Variants in ECT2L observed in about 807,000 individuals in gnomAD.
ECT2L encodes the protein epithelial cell-transforming sequence 2 oncogene-like.
ECT2L carries 126 observed loss-of-function variants against 122.8 expected under a neutral mutation model. The ratio of observed to expected loss-of-function variants is 1.03; its 90% CI spans 0.89 to 1.19. ECT2L has a LOEUF of 1.19. Ranked by LOEUF, ECT2L falls within the 50% of genes most tolerant of loss-of-function variation. The pLI is 0.00. For synonymous variants in ECT2L, 385 were observed against 381.8 expected, an observed-to-expected ratio of 1.01 and a Z score of -0.10; for missense variants, 1,012 against 1,064.1, an observed-to-expected ratio of 0.95 and a Z score of 0.68.
chr6:138,862,983 A>C (rs1379496159), intron 11 of ECT2L, among the ~76,000 whole-genome samples: 1 of 152,242 alleles, frequency 6.6e-6, no homozygotes, highest in Non-Finnish European at 1.5e-5. Flanking sequence ...TTAGCAATTA[A>C]GCAAAGTTGC....
intron 5 of ECT2L, 61 bp from the exon 6 acceptor site, chr6:138,842,918 T>C: frequency 7.2e-7 from 1 of 1,381,158 alleles, no homozygotes; most frequent in Non-Finnish European, 9.5e-7. Flanking sequence ...TACCTGAAAA[T>C]ATTATTGCTA....
intron 1 of ECT2L, among the ~76,000 whole-genome samples, chr6:138,804,431 T>C (rs1438344928): frequency 6.6e-6 from 1 of 152,180 alleles, no homozygotes; most frequent in African/African-American, 2.4e-5. Flanking sequence ...TTGTTGTCTG[T>C]CCCCAAACTA....
At chr6:138,870,052 G>C (rs545776468) in intron 13 of ECT2L, 4 of 152,276 alleles carry the variant, frequency 2.6e-5, no homozygotes, top group African/African-American at 9.7e-5. Flanking sequence ...TCTGTTTTCT[G>C]GACATGTCAA....
Position 138,876,476 on chromosome 6 carries a change from G to T in ECT2L, c.1583G>T (p.Arg528Ile), listed in dbSNP as rs532970509. ...LMELSKEDSE[R>I]NVVEDNSWDT... is the part of the protein sequence containing the mutation. ...AAGTTTCCATTCAATCTTCAGGAAA[G>T]AAATGTTGTAGAAGACAATTCTTGG... is the stretch of plus-strand genomic sequence containing the variant. The change falls in exon 14 of 22, where the codon AGA becomes ATA. Residue 528 changes from arginine (R) to isoleucine (I), a missense_variant. Transcript: ENST00000541398. 5 of 1,609,504 alleles carry T rather than the reference G, an allele frequency of 3.1e-6. No individual in the cohort carries two copies. The East Asian group carries it at 8.9e-5, about 29-fold the overall frequency.
rs765108112 is a variant in ECT2L at position 138,813,248 on chromosome 6, G to A, written c.-27G>A. On this transcript the variant is annotated 5_prime_UTR_variant, in exon 3 of 22. Transcript: ENST00000541398. ...AAGAAAATTTGCTGAGACGTCAGCT[G>A]GGGATTCTTCCTGGAGAACTCCAGA... The A allele has an allele frequency of 2.6e-5, 41 of 1,591,124 alleles. No homozygotes were observed. Among genetic ancestry groups the A allele is most frequent in the Non-Finnish European group, 1.3e-5 (15 of 1,170,440 alleles).
Position 138,813,251 on chromosome 6 carries a change from G to A in ECT2L, c.-24G>A, listed in dbSNP as rs1246138162. The A allele has an allele frequency of 1.3e-6, 2 of 1,595,098 alleles. No homozygotes were observed. Among genetic ancestry groups the A allele is most frequent in the Non-Finnish European group, 8.5e-7 (1 of 1,173,358 alleles). On this transcript the variant is annotated 5_prime_UTR_variant, in exon 3 of 22. Coordinates refer to ENST00000541398, the MANE Select transcript of ECT2L (RefSeq NM_001077706.3). The stretch of plus-strand genomic sequence containing the variant: ...AAAATTTGCTGAGACGTCAGCTGGG[G>A]ATTCTTCCTGGAGAACTCCAGAAAT...
At chr6:138,883,001 T>C in intron 16 of ECT2L, 130 bp downstream of exon 16, 2 of 990,248 alleles carry the variant, frequency 2.0e-6, no homozygotes, top group Non-Finnish European at 2.9e-6. Flanking sequence ...TCCCATACTG[T>C]GTGATCTCTG....
intron 9 of ECT2L, among the ~76,000 whole-genome samples, chr6:138,851,390 T>A (rs1211804): frequency 0.022 from 3,365 of 151,982 alleles, 139 homozygotes; most frequent in African/African-American, 0.077. Context: ...CACTACATTG[T>A]CCAGGCTGGT....
intron 4 of ECT2L, 60 bp from the exon 5 acceptor site, chr6:138,838,292 C>T (rs1022589061): frequency 7.1e-7 from 1 of 1,412,230 alleles, no homozygotes; most frequent in Admixed American, 2.5e-5. Flanking sequence ...AATATTTATG[C>T]TGACTTTTTA....
chr6:138,818,201 A>ATGTGCG (rs371272928), intron 4 of ECT2L, among the ~76,000 whole-genome samples: 8 of 152,116 alleles, frequency 5.3e-5, no homozygotes, highest in Non-Finnish European at 1.0e-4. Context: ...CCAGGTGTGT[A>ATGTGCG]TGTGCGTGTG....
chr6:138,844,795 C>CTTTTTTTTTTTTTTTTTTTTTTTTTTTT (rs11398299), intron 7 of ECT2L, among the ~76,000 whole-genome samples: 1 of 126,672 alleles, frequency 7.9e-6, no homozygotes. Flanking sequence ...TTTAAATGTT[C>CTTTTTTTTTTTTTTTTTTTTTTTTTTTT]TTTTTTTTTT....
chr6:138,828,268 A>G (rs1188967813), intron 4 of ECT2L, among the ~76,000 whole-genome samples: 1 of 152,236 alleles, frequency 6.6e-6, no homozygotes, highest in Non-Finnish European at 1.5e-5. Context: ...TAATTTATTT[A>G]TCTCAGGACC....
intron 4 of ECT2L, chr6:138,822,749 G>C: frequency 1.3e-6 from 2 of 1,588,842 alleles, no homozygotes; most frequent in East Asian, 4.5e-5. Flanking sequence ...TTGGAGCCAT[G>C]GCTTTGGAAC....
chr6:138,861,882 T>C (rs908568649), intron 10 of ECT2L, among the ~76,000 whole-genome samples: 1 of 152,262 alleles, frequency 6.6e-6, no homozygotes, highest in East Asian at 1.9e-4. Flanking sequence ...ATGAGACTTC[T>C]CCTTTGAGTC....
chr6:138,843,362 A>G (rs776846284), intron 6 of ECT2L, 131 bp downstream of exon 6: 3 of 937,708 alleles, frequency 3.2e-6, no homozygotes, highest in Non-Finnish European at 4.5e-6. Context: ...TATTTTCCAG[A>G]TGAGCTTTTT....
intron 1 of ECT2L, among the ~76,000 whole-genome samples, chr6:138,810,641 G>A (rs763844087): frequency 6.6e-6 from 1 of 152,190 alleles, no homozygotes. Flanking sequence ...TGATCACTGC[G>A]CCCCAGCCTT....
intron 13 of ECT2L, among the ~76,000 whole-genome samples, chr6:138,875,971 A>C (rs1409833609): frequency 6.6e-6 from 1 of 151,992 alleles, no homozygotes; most frequent in Non-Finnish European, 1.5e-5. Flanking sequence ...AAATACAAAA[A>C]TTAGTGGGGC....
intron 8 of ECT2L, 93 bp from the exon 9 acceptor site, chr6:138,849,176 C>A: frequency 8.2e-7 from 1 of 1,226,798 alleles, no homozygotes; most frequent in Non-Finnish European, 1.1e-6. Flanking sequence ...CTTTAGAAAT[C>A]ACGGCGTATT....
chr6:138,878,795 A>G (rs1778552404), intron 14 of ECT2L: 1 of 152,246 alleles, frequency 6.6e-6, no homozygotes. Flanking sequence ...TCTCCATTTG[A>G]TGTTGATGGT....
Sources: gnomAD v4.1 joint callset for allele counts (sites outside exome capture counted in the v4.1 genomes callset) on GRCh38, gnomAD v4.1.1 for gene constraint, MANE v1.5 for transcripts, NCBI Gene and HGNC (gene_info 2026-07-23, HGNC 2026-07-21) for gene names.